Variants in ZC3H12B observed in about 807,000 individuals in gnomAD.
The protein encoded by ZC3H12B is probable ribonuclease ZC3H12B.
ZC3H12B carries 7 observed loss-of-function variants against 43.9 expected under a neutral mutation model. That is an observed-to-expected ratio of 0.16 (90% CI 0.09 to 0.30). ZC3H12B has a LOEUF of 0.30. ZC3H12B is among the 10% of genes least tolerant of loss of function. ZC3H12B has a pLI of 1.00. For missense variants in ZC3H12B, 475 were observed against 670.2 expected, an observed-to-expected ratio of 0.71 and a Z score of 3.22; for synonymous variants, 222 against 241.7, an observed-to-expected ratio of 0.92 and a Z score of 0.76.
the ZC3H12B span, among the ~76,000 whole-genome samples, chrX:65,325,583 A>G: frequency 9.0e-6 from 1 of 111,646 alleles, no homozygotes; most frequent in African/African-American, 3.2e-5. Flanking sequence ...CTATAAAAAC[A>G]TTTATGAAAG....
chrX:65,497,119 G>T lies in ZC3H12B; in HGVS notation c.609-13G>T. 8.5e-7 allele frequency: 1 copy of T among 1,178,333 alleles called. No individual in the cohort carries two copies. Among genetic ancestry groups the T allele is most frequent in the South Asian group, 1.8e-5 (1 of 55,437 alleles). ...TATCAATCTTCTCTCCTCTTATTCT[G>T]TATCTTCCTAAGCCATGGGAATAAA... is the stretch of plus-strand genomic sequence containing the variant. On this transcript the variant is annotated splice_polypyrimidine_tract_variant and intron_variant, in intron 1 of 4. Coordinates refer to ENST00000338957, the Ensembl canonical transcript of ZC3H12B.
the ZC3H12B span, among the ~76,000 whole-genome samples, chrX:65,215,511 C>G: frequency 9.0e-6 from 1 of 110,568 alleles, no homozygotes; most frequent in African/African-American, 3.3e-5. Flanking sequence ...CCTCACCTCT[C>G]TCAGCCTTCA....
chrX:65,205,430 C>G, the ZC3H12B span, among the ~76,000 whole-genome samples: 1 of 111,942 alleles, frequency 8.9e-6, no homozygotes, highest in African/African-American at 3.2e-5. Context: ...ACAAAAATCT[C>G]ATGATCATCT....
chrX:65,483,448 A>G (rs2068088093), intron 3 of ZC3H12B, among the ~76,000 whole-genome samples: 2 of 111,957 alleles, frequency 1.8e-5, no homozygotes, highest in African/African-American at 6.5e-5. Context: ...TTTGAGAATC[A>G]GTAAAGTTTT....
chrX:65,186,762 CAT>C, the ZC3H12B span, among the ~76,000 whole-genome samples: 1 of 111,249 alleles, frequency 9.0e-6, no homozygotes, highest in Admixed American at 9.6e-5. Flanking sequence ...TTAGCTCCCA[CAT>C]ATGAGTGAGA....
the ZC3H12B span, among the ~76,000 whole-genome samples, chrX:65,327,340 G>A: frequency 3.6e-5 from 4 of 110,741 alleles, no homozygotes; most frequent in African/African-American, 9.8e-5. Flanking sequence ...AGCTTTTTGG[G>A]AATTTTTTAA....
chrX:65,411,866 T>A (rs1411300835), intron 3 of ZC3H12B, among the ~76,000 whole-genome samples: 2 of 109,064 alleles, frequency 1.8e-5, no homozygotes, highest in Non-Finnish European at 3.8e-5. Flanking sequence ...TATCAAAATA[T>A]CTCATGTACC....
chrX:65,249,051 G>C, the ZC3H12B span, among the ~76,000 whole-genome samples: 1 of 111,412 alleles, frequency 9.0e-6, no homozygotes, highest in Non-Finnish European at 1.9e-5. Context: ...TCTGCTGACT[G>C]TTCCTTTTGC....
the ZC3H12B span, among the ~76,000 whole-genome samples, chrX:65,171,558 C>G: frequency 9.0e-6 from 1 of 111,371 alleles, no homozygotes; most frequent in Non-Finnish European, 1.9e-5. Flanking sequence ...AAGCACTACT[C>G]TCTTCAAAGC....
At chrX:65,135,332 A>AT in the ZC3H12B span, among the ~76,000 whole-genome samples, 1 of 109,298 alleles carries the variant, frequency 9.1e-6, no homozygotes, top group Non-Finnish European at 1.9e-5. Flanking sequence ...ATTTACTCAT[A>AT]TTTTTTGTTA....
chrX:65,284,621 C>A, the ZC3H12B span, among the ~76,000 whole-genome samples: 1 of 110,472 alleles, frequency 9.1e-6, no homozygotes, highest in Non-Finnish European at 1.9e-5. Context: ...ATTATCTGGG[C>A]GTGGTTGTAT....
the ZC3H12B span, among the ~76,000 whole-genome samples, chrX:65,036,804 C>T: frequency 9.1e-6 from 1 of 109,876 alleles, no homozygotes; most frequent in Non-Finnish European, 1.9e-5. Context: ...CCTTCACATA[C>T]TTAGAGAACC....
the ZC3H12B span, among the ~76,000 whole-genome samples, chrX:65,161,225 A>T: frequency 1.8e-5 from 2 of 111,543 alleles, no homozygotes; most frequent in East Asian, 5.6e-4. Context: ...TGCTGAAAAA[A>T]AATGTATATT....
chrX:65,475,428 C>A (rs1476697702), intron 3 of ZC3H12B, among the ~76,000 whole-genome samples: 1 of 108,014 alleles, frequency 9.3e-6, no homozygotes, highest in Admixed American at 1.0e-4. Context: ...ATATAGTATT[C>A]TTTGATGGCA....
chrX:65,137,252 A>G, the ZC3H12B span, among the ~76,000 whole-genome samples: 27 of 112,290 alleles, frequency 2.4e-4, no homozygotes, highest in Admixed American at 2.2e-3. Flanking sequence ...CAAATAATTT[A>G]TTTTGATTTT....
At chrX:65,229,986 T>A in the ZC3H12B span, among the ~76,000 whole-genome samples, 17 of 111,709 alleles carry the variant, frequency 1.5e-4, no homozygotes, top group Non-Finnish European at 2.1e-4. Flanking sequence ...GTGATTCCTC[T>A]GGGATCTAGA....
At chrX:65,204,214 T>C in the ZC3H12B span, among the ~76,000 whole-genome samples, 1 of 112,211 alleles carries the variant, frequency 8.9e-6, no homozygotes, top group East Asian at 2.8e-4. Context: ...ATTCATCTGA[T>C]TTTTGGTTCT....
the ZC3H12B span, among the ~76,000 whole-genome samples, chrX:65,260,412 C>T: frequency 1.7e-4 from 19 of 110,817 alleles, no homozygotes; most frequent in Non-Finnish European, 3.0e-4. Context: ...CTAGGGACTA[C>T]TTGAGGGTGT....
the ZC3H12B span, among the ~76,000 whole-genome samples, chrX:65,152,834 A>G: frequency 8.9e-6 from 1 of 111,905 alleles, no homozygotes; most frequent in Non-Finnish European, 1.9e-5. Flanking sequence ...TTCAAACTAT[A>G]CTACAAGGCT....
Sources: allele counts gnomAD v4.1 joint callset (sites outside exome capture counted in the v4.1 genomes callset), GRCh38; gene constraint gnomAD v4.1.1; transcripts MANE v1.5; gene names NCBI Gene and HGNC (gene_info 2026-07-23, HGNC 2026-07-21).